The following GRIP1 variants were observed in gnomAD, a reference collection of about 807,000 sequenced individuals.
The protein encoded by GRIP1 is glutamate receptor-interacting protein 1.
A neutral mutation model predicts 129.9 loss-of-function variants in GRIP1; 45 were observed. That is an observed-to-expected ratio of 0.35 (90% confidence interval 0.27 to 0.44). The LOEUF (loss-of-function observed/expected upper bound fraction) is 0.44. Among genes scored for constraint, GRIP1 ranks in the 20% least tolerant of loss-of-function variants. The probability of loss-of-function intolerance (pLI) is 1.00; values close to 1 mark genes in which losing one functional copy is unlikely to be tolerated. For missense variants in GRIP1, 1,196 were observed against 1,396.8 expected, an observed-to-expected ratio of 0.86 and a Z score of 2.29; for synonymous variants, 530 against 520.8, an observed-to-expected ratio of 1.02 and a Z score of -0.24.
chr12:66,377,638 C>CTTTCTTTTTTT (rs2055869240), intron 20 of GRIP1, among the ~76,000 whole-genome samples: 1 of 124,612 alleles, frequency 8.0e-6, no homozygotes, highest in African/African-American at 3.1e-5. Flanking sequence ...CGCACCCGGC[C>CTTTCTTTTTTT]TTTTTTTTTT....
At chr12:66,585,148 T>G (rs963043624) in intron 2 of GRIP1, among the ~76,000 whole-genome samples, 3 of 149,844 alleles carry the variant, frequency 2.0e-5, no homozygotes, top group African/African-American at 4.9e-5. Context: ...CATGTGCACA[T>G]TGTGCAGGTT....
At chr12:66,902,178 T>C (rs1485484110) in intron 1 of GRIP1, among the ~76,000 whole-genome samples, 1 of 152,204 alleles carries the variant, frequency 6.6e-6, no homozygotes, top group Non-Finnish European at 1.5e-5. Context: ...ACTTAGCAGA[T>C]ATTCAACAAG....
chr12:67,003,814 G>A (rs571560230), intron 1 of GRIP1, among the ~76,000 whole-genome samples: 20 of 152,204 alleles, frequency 1.3e-4, no homozygotes, highest in African/African-American at 4.3e-4. Context: ...AAATAGACAT[G>A]CATTAATTTC....
chr12:66,856,904 C>A (rs1287638214), intron 1 of GRIP1, among the ~76,000 whole-genome samples: 1 of 152,120 alleles, frequency 6.6e-6, no homozygotes, highest in Non-Finnish European at 1.5e-5. Context: ...AAACATGCTG[C>A]CATAGAGACT....
intron 1 of GRIP1, among the ~76,000 whole-genome samples, chr12:66,988,470 C>T (rs890878888): frequency 7.9e-5 from 12 of 152,098 alleles, no homozygotes; most frequent in Non-Finnish European, 1.3e-4. Context: ...ACCTCTGCCT[C>T]CTGGGCTCAA....
chr12:66,408,337 G>A (rs190439165), intron 15 of GRIP1, among the ~76,000 whole-genome samples: 10 of 152,232 alleles, frequency 6.6e-5, no homozygotes, highest in African/African-American at 1.9e-4. Flanking sequence ...AAGTTAGCCA[G>A]GCGTGGTGGT....
At chr12:66,781,992 A>G (rs1170106749) in intron 1 of GRIP1, among the ~76,000 whole-genome samples, 1 of 152,230 alleles carries the variant, frequency 6.6e-6, no homozygotes. Flanking sequence ...AAAACATGCA[A>G]AAGTAATCTA....
At chr12:66,907,396 A>T (rs2040951533) in intron 1 of GRIP1, among the ~76,000 whole-genome samples, 1 of 152,216 alleles carries the variant, frequency 6.6e-6, no homozygotes, top group East Asian at 1.9e-4. Flanking sequence ...GCCTCTGCTC[A>T]TATGTATTTT....
chr12:66,375,393 A>G (rs2055738051), intron 22 of GRIP1, among the ~76,000 whole-genome samples: 1 of 152,178 alleles, frequency 6.6e-6, no homozygotes, highest in Non-Finnish European at 1.5e-5. Context: ...TTCTACATTT[A>G]TTAGTATTAT....
At chr12:66,384,229 G>A (rs2056256313) in intron 19 of GRIP1, among the ~76,000 whole-genome samples, 1 of 152,034 alleles carries the variant, frequency 6.6e-6, no homozygotes, top group Admixed American at 6.6e-5. Context: ...TTGAGGGTAG[G>A]AAAATAATTA....
At chr12:66,860,524 A>G (rs1239928019) in intron 1 of GRIP1, among the ~76,000 whole-genome samples, 1 of 151,982 alleles carries the variant, frequency 6.6e-6, no homozygotes, top group Non-Finnish European at 1.5e-5. Flanking sequence ...GCTGGATTGT[A>G]CTTTTTTGCT....
intron 1 of GRIP1, among the ~76,000 whole-genome samples, chr12:67,001,808 G>C (rs2042554735): frequency 6.6e-6 from 1 of 152,088 alleles, no homozygotes; most frequent in African/African-American, 2.4e-5. Context: ...AGACACCCTT[G>C]GCTTTTCACA....
intron 23 of GRIP1, among the ~76,000 whole-genome samples, chr12:66,367,722 C>T (rs946301707): frequency 6.6e-6 from 1 of 152,200 alleles, no homozygotes; most frequent in Non-Finnish European, 1.5e-5. Flanking sequence ...TGGGGGTATA[C>T]ACGTGTAGTG....
At chr12:66,888,456 T>C (rs926675914) in intron 1 of GRIP1, among the ~76,000 whole-genome samples, 12 of 152,084 alleles carry the variant, frequency 7.9e-5, no homozygotes, top group African/African-American at 2.9e-4. Flanking sequence ...GCCTCCTGGG[T>C]TCAAGCAATT....
Position 66,455,571 on chromosome 12 carries a change from G to C in GRIP1, c.1199-7C>G, listed in dbSNP as rs200313638. 6.0e-4 allele frequency: 971 copies of C among 1,613,496 alleles called. 5 individuals are homozygous for C. Among genetic ancestry groups the C allele is most frequent in the South Asian group, 4.3e-3 (396 of 91,056 alleles). On this transcript the variant is annotated splice_polypyrimidine_tract_variant and splice_region_variant and intron_variant, in intron 10 of 24. Coordinates refer to ENST00000359742, the MANE Select transcript of GRIP1 (RefSeq NM_001366722.1). ...GATGAAGACACCAAAGCTGCTGCAA[G>C]AGAGTGAAGACGTTGCACAGAGCAC...
At chr12:66,778,489 T>C (rs1037335456) in intron 1 of GRIP1, among the ~76,000 whole-genome samples, 4 of 152,152 alleles carry the variant, frequency 2.6e-5, no homozygotes, top group Admixed American at 2.6e-4. Context: ...GTAAACCATA[T>C]AATGGTACAG....
chr12:66,718,346 G>T (rs2035956612), intron 1 of GRIP1, among the ~76,000 whole-genome samples: 1 of 152,088 alleles, frequency 6.6e-6, no homozygotes, highest in Admixed American at 6.6e-5. Flanking sequence ...GAGAGAGCCA[G>T]TCTGGTTAAT....
intron 5 of GRIP1, among the ~76,000 whole-genome samples, chr12:66,524,325 T>G (rs2061143285): frequency 6.6e-6 from 1 of 152,182 alleles, no homozygotes; most frequent in Non-Finnish European, 1.5e-5. Context: ...TATAACAAAC[T>G]GTCCCTCAGA....
At chr12:66,478,054 T>C (rs2059677346) in intron 7 of GRIP1, among the ~76,000 whole-genome samples, 1 of 152,196 alleles carries the variant, frequency 6.6e-6, no homozygotes, top group Non-Finnish European at 1.5e-5. Context: ...AAAGAGCTTC[T>C]GTGCAGCAAA....
Sources: gnomAD v4.1 joint callset for allele counts (sites outside exome capture counted in the v4.1 genomes callset) on GRCh38, gnomAD v4.1.1 for gene constraint, MANE v1.5 for transcripts, NCBI Gene and HGNC (gene_info 2026-07-23, HGNC 2026-07-21) for gene names.